The following TACC2 variants were observed in gnomAD, a reference collection of about 807,000 sequenced individuals.
TACC2 encodes the protein transforming acidic coiled-coil containing protein 2, also known as transforming acidic coiled-coil-containing protein 2.
In TACC2, 137 loss-of-function variants were observed where a neutral mutation model predicts 227.3. The ratio of observed to expected loss-of-function variants is 0.60; its 90% CI spans 0.52 to 0.69. The LOEUF (loss-of-function observed/expected upper bound fraction) is 0.69, where lower values mean the gene tolerates loss of function less well. TACC2 is among the 30% of genes least tolerant of loss of function. The pLI, the probability that TACC2 is intolerant of heterozygous loss-of-function variation, is 0.00. For synonymous variants in TACC2, 1,523 were observed against 1,487.5 expected (o/e 1.02, Z -0.55); for missense variants, 3,470 against 3,694.4 (o/e 0.94, Z 1.57).
chr10:122,123,713 C>T (rs935607654), intron 5 of TACC2, among the ~76,000 whole-genome samples: 1 of 152,060 alleles, frequency 6.6e-6, no homozygotes, highest in African/African-American at 2.4e-5. Context: ...CCCTGGGGCT[C>T]AGCTTTCACT....
intron 5 of TACC2, among the ~76,000 whole-genome samples, chr10:122,102,548 A>G (rs2082293246): frequency 6.6e-6 from 1 of 152,164 alleles, no homozygotes; most frequent in Non-Finnish European, 1.5e-5. Context: ...TGTCTCCTAG[A>G]GAAAGTTGTT....
chr10:122,106,082 G>A (rs978569956), intron 5 of TACC2, among the ~76,000 whole-genome samples: 3 of 151,082 alleles, frequency 2.0e-5, no homozygotes, highest in African/African-American at 7.3e-5. Context: ...CCGCCTCCTG[G>A]GTTCAAGCGA....
intron 22 of TACC2, among the ~76,000 whole-genome samples, chr10:122,252,281 A>G (rs994626680): frequency 9.2e-5 from 14 of 152,106 alleles, no homozygotes; most frequent in African/African-American, 3.4e-4. Flanking sequence ...CTTATACACA[A>G]CCCTTAACTT....
chr10:122,036,570 G>A (rs2459082), intron 2 of TACC2, among the ~76,000 whole-genome samples: 55,196 of 148,126 alleles, frequency 0.37, 10,996 homozygotes, highest in African/African-American at 0.49. Flanking sequence ...CTGAGATCTC[G>A]GCTCATTGCA....
chr10:122,234,010 G>A (rs1379941067), intron 16 of TACC2, among the ~76,000 whole-genome samples: 1 of 152,204 alleles, frequency 6.6e-6, no homozygotes, highest in Non-Finnish European at 1.5e-5. Flanking sequence ...TCCATGCACC[G>A]TGGCCTTGGT....
chr10:122,163,761 A>C, intron 7 of TACC2: 1 of 1,206,304 alleles, frequency 8.3e-7, no homozygotes, highest in Non-Finnish European at 1.0e-6. Flanking sequence ...CGCGAGTCGC[A>C]GCTCCCTGCC....
At chr10:122,090,754 AT>A (rs1451137223) in intron 5 of TACC2, among the ~76,000 whole-genome samples, 1 of 151,590 alleles carries the variant, frequency 6.6e-6, no homozygotes, top group African/African-American at 2.4e-5. Context: ...TTATTCATGT[AT>A]TTATTTATTT....
chr10:122,026,588 G>A (rs1958056134), intron 2 of TACC2, among the ~76,000 whole-genome samples: 1 of 152,056 alleles, frequency 6.6e-6, no homozygotes, highest in Admixed American at 6.6e-5. Context: ...ATCATGCAGG[G>A]TAGTTTCACT....
rs1478832013 is a variant in TACC2 at position 122,082,873 on chromosome 10, C to T, written c.373C>T (p.Pro125Ser). 6.2e-7 allele frequency: 1 copy of T among 1,613,296 alleles called. No individual in the cohort carries two copies. The highest frequency in any genetic ancestry group is 2.2e-5 in the East Asian group (1 of 44,864). The stretch of plus-strand genomic sequence containing the variant: ...TCCCCCGGAAGGTTGCTTGGCAAGT[C>T]CAGCAGCGGCACCTGAAGATGGTCC... ...ECPPEGCLAS[P>S]AAAPEDGPQT... Residue 125 changes from proline to serine, a missense_variant, in exon 4 of 23, where the codon CCA becomes TCA. By Grantham distance (74) the Pro-to-Ser change is moderately conservative (BLOSUM62 -1). Coordinates refer to ENST00000369005, the MANE Select transcript of TACC2 (RefSeq NM_206862.4).
chr10:122,121,683 T>C (rs2085835338), intron 5 of TACC2, among the ~76,000 whole-genome samples: 1 of 143,340 alleles, frequency 7.0e-6, no homozygotes, highest in Non-Finnish European at 1.5e-5. Flanking sequence ...AGCATCACAT[T>C]GTATCAGCCT....
rs760524024 is a variant in TACC2, at chr10:122,050,546, T to A, written c.142T>A (p.Ser48Thr). ...TPGSPDHRDA[S>T]SIGSVGLGGF... ...CGGAAGCCCTGACCACAGAGACGCG[T>A]CCAGGTAGGAGGCCAGCTCTGGAGG... The change falls in exon 3 of 23, where the codon TCC becomes ACC. Residue 48 changes from serine to threonine, a missense_variant. This residue lies in a region of TACC2 where 405 missense variants were observed against 389.6 expected (regional missense o/e 1.04). Coordinates refer to ENST00000369005, the MANE Select transcript of TACC2 (RefSeq NM_206862.4). This position sits in a 1 kb window ranked among gnomAD's most constrained non-coding sequence, Gnocchi z 4.6. 1.2e-6 allele frequency: 2 copies of A among 1,612,538 alleles called. No homozygotes were observed. The highest frequency in any genetic ancestry group is 1.7e-6 in the Non-Finnish European group (2 of 1,179,292).
At position 122,082,999 on chromosome 10, in the gene TACC2, A is replaced by T. The variant is rs1468971932; in HGVS notation, c.499A>T (p.Ile167Phe). 6.2e-7 allele frequency: 1 copy of T among 1,612,648 alleles called. No individual in the cohort carries two copies. Among genetic ancestry groups the T allele is most frequent in the Non-Finnish European group, 8.5e-7 (1 of 1,180,004 alleles). ...GGACAGCTCTACTCCATACCAAGAG[A>T]TTGCTGCCGTCCCCAGTGCTGGAAG... ...ERDSSTPYQE[I>F]AAVPSAGRER... The change falls in exon 4 of 23, where the codon ATT (isoleucine) becomes TTT (phenylalanine). Residue 167 changes from isoleucine (I) to phenylalanine (F), a missense_variant. Physicochemically the swap from Ile to Phe is conservative, Grantham distance 21. Around this residue, in one of 10 missense-constraint regions of TACC2, gnomAD observed 405 missense variants for 389.6 expected, o/e 1.04. Transcript: ENST00000369005.
chr10:122,191,580 G>A (rs868764065), intron 7 of TACC2, among the ~76,000 whole-genome samples: 22 of 152,266 alleles, frequency 1.4e-4, no homozygotes, highest in Non-Finnish European at 2.4e-4. Context: ...ATGTTGGGCC[G>A]CATTCAAAGC....
At chr10:122,064,892 C>T (rs2077223547) in intron 3 of TACC2, among the ~76,000 whole-genome samples, 1 of 152,144 alleles carries the variant, frequency 6.6e-6, no homozygotes, top group South Asian at 2.1e-4. Flanking sequence ...CTGTATAGAT[C>T]TAGGTCATTT....
Position 122,085,310 on chromosome 10 carries a change from C to T in TACC2, c.2810C>T (p.Thr937Met), listed in dbSNP as rs573509371. ...LTEESELSAPTRQKLPALGEK... is the reference protein window; with the variant it reads ...LTEESELSAPMRQKLPALGEK... ...GAAGAGTCAGAATTGTCAGCACCAA[C>T]GAGACAGAAGTTGCCTGCACTAGGG... Residue 937 changes from threonine (T) to methionine (M), a missense_variant, in exon 4 of 23, where the codon ACG (threonine) becomes ATG (methionine). By Grantham distance (81) the Thr-to-Met change is moderately conservative (BLOSUM62 -1). Coordinates refer to ENST00000369005, the MANE Select transcript of TACC2 (RefSeq NM_206862.4). 1.8e-4 allele frequency: 289 copies of T among 1,614,052 alleles called. No homozygotes were observed. Among genetic ancestry groups the T allele is most frequent in the Non-Finnish European group, 2.2e-4 (258 of 1,180,044 alleles).
intron 9 of TACC2, among the ~76,000 whole-genome samples, chr10:122,213,074 C>G (rs559354735): frequency 3.7e-4 from 56 of 152,348 alleles, no homozygotes; most frequent in African/African-American, 1.3e-3. Context: ...GTTTACCCAA[C>G]TGTGTCCTCA....
intron 2 of TACC2, among the ~76,000 whole-genome samples, chr10:122,043,521 C>G (rs867490697): frequency 2.4e-5 from 1 of 42,164 alleles, no homozygotes; most frequent in African/African-American, 9.8e-5. Flanking sequence ...CTTTTTCTTT[C>G]TTTTCTTTCT....
chr10:122,003,846 C>G (rs763120088), intron 1 of TACC2, among the ~76,000 whole-genome samples: 1 of 151,718 alleles, frequency 6.6e-6, no homozygotes, highest in Non-Finnish European at 1.5e-5. Flanking sequence ...TTAGTAGAGA[C>G]GGGGTTTCAC....
chr10:122,117,894 C>T (rs550267865), intron 5 of TACC2, among the ~76,000 whole-genome samples: 2 of 152,278 alleles, frequency 1.3e-5, no homozygotes, highest in South Asian at 4.1e-4. Context: ...TTTTCTTCCT[C>T]CTTTTATACC....
Sources: gnomAD v4.1 joint callset for allele counts (sites outside exome capture counted in the v4.1 genomes callset) on GRCh38, gnomAD v4.1.1 for gene constraint, gnomAD v4.1.1 regional missense constraint, Gnocchi (gnomAD v3.1) non-coding constraint, MANE v1.5 for transcripts, NCBI Gene and HGNC (gene_info 2026-07-23, HGNC 2026-07-21) for gene names.